Variants in MYO16 observed in about 807,000 individuals in gnomAD.
MYO16 encodes the protein myosin XVI.
In MYO16, 94 loss-of-function variants were observed where a neutral mutation model predicts 205.3. The observed-to-expected ratio is 0.46, with a 90% CI of 0.39 to 0.54. The LOEUF is 0.54. MYO16 is among the 20% of genes least tolerant of loss of function. The pLI is 0.00. For synonymous variants in MYO16, 988 were observed against 954.0 expected, an observed-to-expected ratio of 1.04 and a Z score of -0.66; for missense variants, 2,315 against 2,387.5, an observed-to-expected ratio of 0.97 and a Z score of 0.63.
At chr13:108,669,915 G>A (rs531177177) in intron 2 of MYO16, among the ~76,000 whole-genome samples, 48 of 152,186 alleles carry the variant, frequency 3.2e-4, no homozygotes, top group Admixed American at 9.2e-4. Context: ...ACACACTGGG[G>A]CCTGTCGGGG....
intron 32 of MYO16, among the ~76,000 whole-genome samples, chr13:109,159,159 A>G (rs1030823647): frequency 2.6e-5 from 4 of 152,264 alleles, no homozygotes; most frequent in South Asian, 2.1e-4. Context: ...CTCATAAGTT[A>G]ACAAGCTTAG....
intron 20 of MYO16, among the ~76,000 whole-genome samples, chr13:108,983,008 A>G (rs1252777880): frequency 6.6e-6 from 1 of 152,194 alleles, no homozygotes; most frequent in Non-Finnish European, 1.5e-5. Context: ...ATTAAGAAAA[A>G]AAAACCTTTT....
intron 27 of MYO16, among the ~76,000 whole-genome samples, chr13:109,061,036 C>T (rs972986460): frequency 5.3e-5 from 8 of 152,198 alleles, no homozygotes; most frequent in Admixed American, 3.9e-4. Context: ...CTTCATGTTA[C>T]GGAGACAGTT....
chr13:108,961,783 T>C, intron 18 of MYO16, 127 bp downstream of exon 18: 1 of 696,594 alleles, frequency 1.4e-6, no homozygotes, highest in Non-Finnish European at 2.5e-6. Context: ...TAGAATTCAG[T>C]GAGGGGGGGA....
intron 1 of MYO16, among the ~76,000 whole-genome samples, chr13:108,651,876 G>T (rs896506124): frequency 3.9e-5 from 6 of 152,144 alleles, no homozygotes; most frequent in Admixed American, 3.3e-4. Flanking sequence ...TCTATAAAGA[G>T]GGATATAGAC....
intron 23 of MYO16, among the ~76,000 whole-genome samples, chr13:109,026,796 C>T (rs1204140537): frequency 6.6e-6 from 1 of 152,130 alleles, no homozygotes; most frequent in African/African-American, 2.4e-5. Flanking sequence ...ATCTGAATTT[C>T]CTTGATCTCA....
At chr13:108,928,858 G>A (rs1882127512) in intron 16 of MYO16, among the ~76,000 whole-genome samples, 1 of 152,140 alleles carries the variant, frequency 6.6e-6, no homozygotes, top group African/African-American at 2.4e-5. Context: ...GTGCAGTACA[G>A]TTATTTTAAA....
upstream of MYO16, among the ~76,000 whole-genome samples, chr13:108,624,935 C>T (rs1566511415): frequency 6.6e-6 from 1 of 151,960 alleles, no homozygotes; most frequent in Non-Finnish European, 1.5e-5. Context: ...TTTAAAATTG[C>T]ATTTCTTTTC....
chr13:108,619,211 A>G (rs961190376), intron 1 of MYO16, among the ~76,000 whole-genome samples: 1 of 152,174 alleles, frequency 6.6e-6, no homozygotes, highest in South Asian at 2.1e-4. Flanking sequence ...ATGTATATCA[A>G]TATCTTCTGT....
chr13:108,531,513 T>C, the MYO16 span, among the ~76,000 whole-genome samples: 1 of 151,906 alleles, frequency 6.6e-6, no homozygotes, highest in Non-Finnish European at 1.5e-5. Context: ...AAGAGGAAGA[T>C]AGGAAGGAGG....
chr13:108,724,003 T>G (rs988161664), intron 3 of MYO16, among the ~76,000 whole-genome samples: 4 of 152,116 alleles, frequency 2.6e-5, no homozygotes, highest in African/African-American at 9.7e-5. Flanking sequence ...CTCACTAACG[T>G]TTTGTTGATT....
At chr13:109,026,181 C>T (rs568474017) in intron 23 of MYO16, among the ~76,000 whole-genome samples, 1 of 152,304 alleles carries the variant, frequency 6.6e-6, no homozygotes, top group African/African-American at 2.4e-5. Context: ...AAAATATTTT[C>T]AGGCCCCTAT....
chr13:108,753,730 C>T (rs1016468520), intron 4 of MYO16, among the ~76,000 whole-genome samples: 1 of 152,172 alleles, frequency 6.6e-6, no homozygotes, highest in Non-Finnish European at 1.5e-5. Context: ...AAAATAAATT[C>T]TTTCTGGGCC....
At chr13:109,169,307 T>C (rs6492167) in intron 33 of MYO16, among the ~76,000 whole-genome samples, 152,007 of 152,252 alleles carry the variant, frequency 1, 75,882 homozygotes, top group East Asian at 1. Flanking sequence ...CTAAATACTA[T>C]GAAAATGGAA....
intron 6 of MYO16, among the ~76,000 whole-genome samples, chr13:108,800,750 T>C (rs1886945975): frequency 6.6e-6 from 1 of 152,188 alleles, no homozygotes; most frequent in African/African-American, 2.4e-5. Context: ...AGCATTAGCC[T>C]CAGCATGATC....
intron 12 of MYO16, among the ~76,000 whole-genome samples, chr13:108,871,724 C>T (rs1849149188): frequency 6.6e-6 from 1 of 152,138 alleles, no homozygotes; most frequent in African/African-American, 2.4e-5. Flanking sequence ...GTGTGAGACA[C>T]TTAGGGTGAC....
intron 8 of MYO16, among the ~76,000 whole-genome samples, chr13:108,821,213 T>A (rs1159908358): frequency 6.6e-6 from 1 of 152,156 alleles, no homozygotes; most frequent in Non-Finnish European, 1.5e-5. Context: ...CTTTTGAGAT[T>A]TGTCATTTGA....
At chr13:108,531,696 C>A in the MYO16 span, among the ~76,000 whole-genome samples, 3 of 150,904 alleles carry the variant, frequency 2.0e-5, no homozygotes, top group Non-Finnish European at 4.4e-5. Flanking sequence ...ATATGCTTTA[C>A]AAAGCTCACA....
chr13:108,605,964 C>T (rs1878943143), intron 1 of MYO16, among the ~76,000 whole-genome samples: 1 of 152,120 alleles, frequency 6.6e-6, no homozygotes, highest in South Asian at 2.1e-4. Context: ...CAATGAAGTC[C>T]AGGCTGAGGT....
Sources: allele counts gnomAD v4.1 joint callset (sites outside exome capture counted in the v4.1 genomes callset), GRCh38; gene constraint gnomAD v4.1.1; transcripts MANE v1.5; gene names NCBI Gene and HGNC (gene_info 2026-07-23, HGNC 2026-07-21).